The following MEGF10 variants were observed in gnomAD, a reference collection of about 807,000 sequenced individuals.
MEGF10 encodes multiple EGF like domains 10, also known as multiple epidermal growth factor-like domains protein 10.
Under a neutral mutation model 147.5 loss-of-function variants are expected in MEGF10, and 86 were observed. The ratio of observed to expected loss-of-function variants is 0.58; its 90% CI spans 0.49 to 0.70. The LOEUF (loss-of-function observed/expected upper bound fraction) is 0.70, where lower values mean the gene tolerates loss of function less well. Ranked by LOEUF, MEGF10 falls within the 30% of genes least tolerant of loss-of-function variation. The pLI is 0.00. For missense variants in MEGF10, 1,329 were observed against 1,487.3 expected (o/e 0.89, Z 1.75); for synonymous variants, 478 against 525.5 (o/e 0.91, Z 1.24).
chr5:127,327,778 G>A (rs1187948962), intron 1 of MEGF10, among the ~76,000 whole-genome samples: 1 of 147,374 alleles, frequency 6.8e-6, no homozygotes, highest in Admixed American at 6.9e-5. Context: ...GCAATGGCAC[G>A]ATCTTGGCTC....
At chr5:127,385,847 A>T (rs7715710) in intron 5 of MEGF10, among the ~76,000 whole-genome samples, 2,444 of 152,324 alleles carry the variant, frequency 0.016, 47 homozygotes, top group South Asian at 0.076. Flanking sequence ...GCTCATGACT[A>T]TAATCCCTGC....
chr5:127,379,532 C>A (rs1322339869), intron 5 of MEGF10, among the ~76,000 whole-genome samples: 1 of 151,852 alleles, frequency 6.6e-6, no homozygotes, highest in Non-Finnish European at 1.5e-5. Flanking sequence ...TTTGCCTTTG[C>A]ACTTGATATT....
At chr5:127,344,934 A>C (rs968394477) in intron 4 of MEGF10, among the ~76,000 whole-genome samples, 4 of 152,184 alleles carry the variant, frequency 2.6e-5, no homozygotes, top group African/African-American at 9.6e-5. Context: ...GAAATTTAGC[A>C]AGGCAGCCTA....
chr5:127,347,614 A>G (rs1761937172), intron 4 of MEGF10, among the ~76,000 whole-genome samples: 1 of 152,102 alleles, frequency 6.6e-6, no homozygotes, highest in Admixed American at 6.6e-5. Flanking sequence ...TGCTTTCAAC[A>G]TATAACCATC....
At chr5:127,306,538 C>T (rs1006371822) in intron 1 of MEGF10, among the ~76,000 whole-genome samples, 3 of 152,212 alleles carry the variant, frequency 2.0e-5, no homozygotes, top group African/African-American at 4.8e-5. Flanking sequence ...TTCCATGGTG[C>T]ACTTACAGAA....
intron 1 of MEGF10, among the ~76,000 whole-genome samples, chr5:127,309,188 AAAG>A (rs1760149675): frequency 6.6e-6 from 1 of 152,264 alleles, no homozygotes; most frequent in Admixed American, 6.5e-5. Flanking sequence ...TGAGTAGTGA[AAAG>A]AAGTAAACAA....
chr5:127,425,432 C>T (rs1028832137), intron 13 of MEGF10, among the ~76,000 whole-genome samples: 2 of 152,154 alleles, frequency 1.3e-5, no homozygotes, highest in Non-Finnish European at 2.9e-5. Flanking sequence ...AGCTAAGTTG[C>T]CCCAGTGTCT....
chr5:127,452,403 G>T (rs1446182660), intron 22 of MEGF10, among the ~76,000 whole-genome samples: 1 of 152,196 alleles, frequency 6.6e-6, no homozygotes, highest in Non-Finnish European at 1.5e-5. Context: ...CACAGACTGT[G>T]CCCCATCTTC....
chr5:127,235,501 G>A, the MEGF10 span, among the ~76,000 whole-genome samples: 4 of 152,278 alleles, frequency 2.6e-5, no homozygotes, highest in South Asian at 6.2e-4. Flanking sequence ...TGGACTAGTT[G>A]TTTTTAGCTA....
intron 8 of MEGF10, among the ~76,000 whole-genome samples, chr5:127,405,197 T>C (rs1043987082): frequency 1.3e-4 from 20 of 152,172 alleles, no homozygotes; most frequent in African/African-American, 4.6e-4. Flanking sequence ...GCATAAATAT[T>C]AGCTATCATT....
At chr5:127,381,949 G>T (rs997808967) in intron 5 of MEGF10, among the ~76,000 whole-genome samples, 2 of 152,180 alleles carry the variant, frequency 1.3e-5, no homozygotes, top group Non-Finnish European at 2.9e-5. Flanking sequence ...GGGATTACAG[G>T]CGTGAGCCAC....
At chr5:127,436,482 T>C (rs1409946715) in intron 16 of MEGF10, among the ~76,000 whole-genome samples, 2 of 152,222 alleles carry the variant, frequency 1.3e-5, no homozygotes, top group African/African-American at 4.8e-5. Flanking sequence ...TCTGGGGGCA[T>C]CACTTCAGAA....
chr5:127,369,305 A>C (rs186552812), intron 4 of MEGF10, among the ~76,000 whole-genome samples: 4 of 152,272 alleles, frequency 2.6e-5, no homozygotes, highest in Admixed American at 2.6e-4. Flanking sequence ...GGTTGAGTAC[A>C]CCTAAGATCT....
At position 127,370,013 on chromosome 5, in the gene MEGF10, A is replaced by G; in HGVS notation, c.412+11A>G. ...CCAACTGCTCCAGTGGTAAGTTTCC[A>G]CCTGCTGTTGTCTGTCTCGGGATGT... On this transcript the variant is annotated intron_variant, in intron 5 of 24. Coordinates refer to ENST00000503335, the MANE Select transcript of MEGF10 (RefSeq NM_001256545.2). 1 of 1,606,916 alleles carries G rather than the reference A, an allele frequency of 6.2e-7. No individual in the cohort carries two copies. Among genetic ancestry groups the G allele is most frequent in the Non-Finnish European group, 8.5e-7 (1 of 1,174,440 alleles).
At chr5:127,435,510 A>C in intron 16 of MEGF10, 21 bp downstream of exon 16, 1 of 1,604,306 alleles carries the variant, frequency 6.2e-7, no homozygotes. Flanking sequence ...TTTGAGAACA[A>C]TTAATAAACT....
At chr5:127,314,489 C>T (rs894195947) in intron 1 of MEGF10, among the ~76,000 whole-genome samples, 2 of 152,116 alleles carry the variant, frequency 1.3e-5, no homozygotes, top group Non-Finnish European at 2.9e-5. Context: ...GAGTTGGTTC[C>T]GTTAGAGATT....
chr5:127,298,207 C>T (rs1263226238), intron 1 of MEGF10, among the ~76,000 whole-genome samples: 2 of 152,174 alleles, frequency 1.3e-5, no homozygotes, highest in African/African-American at 4.8e-5. Context: ...AAGGCTACCA[C>T]CTCCACCAGG....
intron 1 of MEGF10, among the ~76,000 whole-genome samples, chr5:127,298,939 A>C (rs1200139104): frequency 6.6e-6 from 1 of 152,224 alleles, no homozygotes; most frequent in Admixed American, 6.5e-5. Context: ...GGCCTTCCAC[A>C]GTTAAACTAC....
In MEGF10 at chr5:127,420,174, A is replaced by C; in HGVS notation, c.1557A>C (p.Gly519=). ...TLDGTCTCAP[G]WRGEKCELPC... Reference sequence around the variant, plus strand: ...ACGGGACCTGCACGTGTGCACCTGGATGGCGCGGGGAGAAATGCGAACTTC... The same window carrying C: ...ACGGGACCTGCACGTGTGCACCTGGCTGGCGCGGGGAGAAATGCGAACTTC... The change falls in exon 12 of 25, where the codon GGA becomes GGC. Residue 519 remains glycine, a synonymous_variant. Coordinates refer to ENST00000503335, the MANE Select transcript of MEGF10 (RefSeq NM_001256545.2). 1 of 1,614,174 alleles carries C rather than the reference A, an allele frequency of 6.2e-7. No homozygotes were observed. Among genetic ancestry groups the C allele is most frequent in the South Asian group, 1.1e-5 (1 of 91,068 alleles).
Sources: gnomAD v4.1 joint callset for allele counts (sites outside exome capture counted in the v4.1 genomes callset) on GRCh38, gnomAD v4.1.1 for gene constraint, MANE v1.5 for transcripts, NCBI Gene and HGNC (gene_info 2026-07-23, HGNC 2026-07-21) for gene names.